CCDC191: variants seen among roughly 807,000 people sequenced by gnomAD.
The protein encoded by CCDC191 is coiled-coil domain-containing protein 191.
Under a neutral mutation model 114.0 loss-of-function variants are expected in CCDC191, and 99 were observed. The observed-to-expected ratio is 0.87, with a 90% CI of 0.74 to 1.03. The LOEUF (loss-of-function observed/expected upper bound fraction) is 1.03, where lower values mean the gene tolerates loss of function less well. Among genes scored for constraint, CCDC191 ranks in the 50% least tolerant of loss-of-function variants. CCDC191 has a pLI of 0.00. For missense variants in CCDC191, 973 were observed against 1,087.0 expected (o/e 0.90, Z 1.47); for synonymous variants, 351 against 376.0 (o/e 0.93, Z 0.77).
chr3:114,051,688 C>G (rs2076699786), intron 2 of CCDC191, among the ~76,000 whole-genome samples: 1 of 152,040 alleles, frequency 6.6e-6, no homozygotes, highest in African/African-American at 2.4e-5. Flanking sequence ...TACTCCATAC[C>G]CTTTCCATAT....
chr3:114,036,709 C>T lies in CCDC191; in HGVS notation c.493G>A (p.Val165Met), dbSNP rs971589415. The T allele has an allele frequency of 6.2e-7, 1 of 1,600,462 alleles. No individual in the cohort carries two copies. The highest frequency in any genetic ancestry group is 8.5e-7 in the Non-Finnish European group (1 of 1,172,436). ...KFIDHLLHKN[V>M]VDSAMMEDLG... ...TCTTCCATCATTGCAGAATCTACCA[C>T]ATTTTTATGGAGCAGATGGTCTATA... Residue 165 changes from valine to methionine, a missense_variant, in exon 5 of 17, where the codon GTG becomes ATG. By Grantham distance (21) the Val-to-Met change is conservative. Transcript: ENST00000295878.
In CCDC191 at chr3:114,017,006, G is replaced by A. The variant is rs116203556; in HGVS notation, c.1163+1672C>T. 2.6e-3 allele frequency among the ~76,000 whole-genome samples: 393 copies of A among 151,938 alleles called. 1 individual carries two copies. Among genetic ancestry groups the A allele is most frequent in the African/African-American group, 9.1e-3 (378 of 41,412 alleles). On this transcript the variant is annotated intron_variant, in intron 8 of 16. Coordinates refer to ENST00000295878, the MANE Select transcript of CCDC191 (RefSeq NM_020817.2). ...AACTATGGGAGAGTTTTCTGTGTTGGCCTCTATTTTTTTCACCAAAGATTT... is the reference window on the plus strand; with the variant it reads ...AACTATGGGAGAGTTTTCTGTGTTGACCTCTATTTTTTTCACCAAAGATTT...
chr3:113,992,875 T>A (rs1422137551), intron 13 of CCDC191, among the ~76,000 whole-genome samples: 1 of 152,102 alleles, frequency 6.6e-6, no homozygotes, highest in Non-Finnish European at 1.5e-5. Flanking sequence ...TAGGCCAACA[T>A]ACCTGATGAA....
intron 7 of CCDC191, among the ~76,000 whole-genome samples, chr3:114,030,241 T>G (rs963357874): frequency 2.0e-5 from 3 of 152,180 alleles, no homozygotes; most frequent in Non-Finnish European, 2.9e-5. Context: ...TGTCTAACAT[T>G]CATATTTGGC....
chr3:114,005,407 G>A, intron 10 of CCDC191, 101 bp downstream of exon 10: 2 of 1,188,142 alleles, frequency 1.7e-6, no homozygotes, highest in Non-Finnish European at 2.4e-6. Context: ...TCAAGGAAAA[G>A]GAACAATCAT....
intron 1 of CCDC191, chr3:114,053,979 A>AT (rs1249173115): frequency 1.1e-5 from 2 of 179,530 alleles, no homozygotes; most frequent in Non-Finnish European, 2.3e-5. Flanking sequence ...AAAGCTACTC[A>AT]TTAAAAAAAA....
intron 2 of CCDC191, among the ~76,000 whole-genome samples, chr3:114,050,483 C>T (rs2076685210): frequency 6.6e-6 from 1 of 152,122 alleles, no homozygotes; most frequent in African/African-American, 2.4e-5. Flanking sequence ...AAGAGTAGTA[C>T]AAGATGGGAT....
At chr3:113,968,702 C>T (rs536453872) in intron 16 of CCDC191, among the ~76,000 whole-genome samples, 1 of 151,938 alleles carries the variant, frequency 6.6e-6, no homozygotes, top group South Asian at 2.1e-4. Flanking sequence ...TCAAACTATC[C>T]ACCCACCTTA....
chr3:113,992,737 GAATT>G (rs1183216274), intron 13 of CCDC191, among the ~76,000 whole-genome samples: 7 of 151,876 alleles, frequency 4.6e-5, no homozygotes, highest in Admixed American at 2.6e-4. Flanking sequence ...TAAAAAAAAA[GAATT>G]AATGCCAATT....
chr3:114,044,734 C>T (rs2076606757), intron 3 of CCDC191, among the ~76,000 whole-genome samples: 1 of 152,080 alleles, frequency 6.6e-6, no homozygotes, highest in African/African-American at 2.4e-5. Context: ...TAATTCACAC[C>T]TACTAAATAA....
At chr3:114,001,437 A>T (rs538633043) in intron 13 of CCDC191, among the ~76,000 whole-genome samples, 158 bp downstream of exon 13, 3 of 152,274 alleles carry the variant, frequency 2.0e-5, no homozygotes, top group African/African-American at 7.2e-5. Flanking sequence ...AAATCTGAAG[A>T]ATGAGTAGCT....
At chr3:114,001,472 G>A (rs868421303) in intron 13 of CCDC191, 123 bp downstream of exon 13, 1 of 1,329,666 alleles carries the variant, frequency 7.5e-7, no homozygotes, top group Non-Finnish European at 1.0e-6. Context: ...ATAGAGAAAA[G>A]AAGTGAGGGT....
At chr3:114,047,371 C>T (rs941863201) in intron 2 of CCDC191, among the ~76,000 whole-genome samples, 3 of 152,078 alleles carry the variant, frequency 2.0e-5, no homozygotes, top group African/African-American at 4.8e-5. Context: ...AATAAAAACG[C>T]TTATATTAGG....
intron 15 of CCDC191, 96 bp downstream of exon 15, chr3:113,978,762 A>G: frequency 7.4e-7 from 1 of 1,347,060 alleles, no homozygotes; most frequent in East Asian, 2.3e-5. Flanking sequence ...TTCTTGAAAA[A>G]ACATAATGAC....
intron 1 of CCDC191, 29 bp downstream of exon 1, chr3:114,056,348 C>T: frequency 1.2e-6 from 2 of 1,608,820 alleles, no homozygotes; most frequent in South Asian, 2.2e-5. Flanking sequence ...GGAAAGTCCC[C>T]GCCCTCCAAA....
At chr3:113,971,248 G>A (rs1224431077) in intron 16 of CCDC191, among the ~76,000 whole-genome samples, 3 of 152,084 alleles carry the variant, frequency 2.0e-5, no homozygotes, top group Non-Finnish European at 4.4e-5. Context: ...ACTTTTTAAT[G>A]ATCGCCATTC....
chr3:113,984,142 A>G (rs2075270879), intron 13 of CCDC191: 1 of 152,180 alleles, frequency 6.6e-6, no homozygotes, highest in South Asian at 2.1e-4. Flanking sequence ...CCCTATACAC[A>G]CATAACTGGG....
chr3:114,053,294 A>G (rs1163584632), intron 2 of CCDC191, among the ~76,000 whole-genome samples: 5 of 152,192 alleles, frequency 3.3e-5, no homozygotes, highest in Non-Finnish European at 5.9e-5. Flanking sequence ...GAGGAAGGCC[A>G]CCATATCCTC....
intron 13 of CCDC191, among the ~76,000 whole-genome samples, chr3:114,000,706 A>G (rs931125430): frequency 1.3e-5 from 2 of 151,682 alleles, no homozygotes; most frequent in African/African-American, 4.9e-5. Context: ...GTTGGAGCTC[A>G]GTGGCACAAT....
Sources: allele counts gnomAD v4.1 joint callset (sites outside exome capture counted in the v4.1 genomes callset), GRCh38; gene constraint gnomAD v4.1.1; transcripts MANE v1.5; gene names NCBI Gene and HGNC (gene_info 2026-07-23, HGNC 2026-07-21).